Variants in ASAP1 observed in about 807,000 individuals in gnomAD.
ASAP1 encodes arf-GAP with SH3 domain, ANK repeat and PH domain-containing protein 1.
A neutral mutation model predicts 145.2 loss-of-function variants in ASAP1; 43 were observed. The ratio of observed to expected loss-of-function variants is 0.30; its 90% CI spans 0.23 to 0.38. ASAP1 has a LOEUF of 0.38. Among genes scored for constraint, ASAP1 ranks in the 10% least tolerant of loss-of-function variants. The pLI is 1.00. For synonymous variants in ASAP1, 546 were observed against 515.5 expected, an observed-to-expected ratio of 1.06 and a Z score of -0.80; for missense variants, 1,018 against 1,355.3, an observed-to-expected ratio of 0.75 and a Z score of 3.91.
At chr8:130,309,149 A>G (rs1033211805) in intron 3 of ASAP1, among the ~76,000 whole-genome samples, 2 of 152,180 alleles carry the variant, frequency 1.3e-5, no homozygotes, top group Non-Finnish European at 2.9e-5. Context: ...TATCCATTTG[A>G]TAATATCTGG....
At chr8:130,093,073 G>C (rs968969875) in intron 24 of ASAP1, among the ~76,000 whole-genome samples, 3 of 152,112 alleles carry the variant, frequency 2.0e-5, no homozygotes, top group Admixed American at 1.3e-4. Flanking sequence ...TTGGAAGCCT[G>C]AACAACATTT....
intron 24 of ASAP1, among the ~76,000 whole-genome samples, chr8:130,110,269 CA>C (rs1228523718): frequency 6.6e-6 from 1 of 152,170 alleles, no homozygotes; most frequent in African/African-American, 2.4e-5. Flanking sequence ...AAACCATTTT[CA>C]GGACTCTCAA....
intron 4 of ASAP1, among the ~76,000 whole-genome samples, chr8:130,215,316 G>C (rs534588547): frequency 6.6e-6 from 1 of 152,148 alleles, no homozygotes; most frequent in Non-Finnish European, 1.5e-5. Context: ...AACTATGATT[G>C]ACTGGGTATG....
chr8:130,257,092 G>A (rs932368640), intron 3 of ASAP1, among the ~76,000 whole-genome samples: 6 of 151,746 alleles, frequency 4.0e-5, no homozygotes, highest in Non-Finnish European at 8.8e-5. Context: ...AAATGTCCAC[G>A]CTGATAATAC....
intron 5 of ASAP1, among the ~76,000 whole-genome samples, chr8:130,191,800 T>C (rs1410975635): frequency 2.6e-5 from 4 of 152,168 alleles, no homozygotes; most frequent in Middle Eastern, 6.3e-3. Context: ...ATGTTTATAT[T>C]TTAAATGCTA....
At chr8:130,122,189 A>T (rs934257327) in intron 18 of ASAP1, among the ~76,000 whole-genome samples, 2 of 152,150 alleles carry the variant, frequency 1.3e-5, no homozygotes, top group Non-Finnish European at 1.5e-5. Context: ...TAATTTCTTC[A>T]TAACACCTAA....
intron 4 of ASAP1, among the ~76,000 whole-genome samples, chr8:130,232,678 A>C (rs924596913): frequency 6.6e-6 from 1 of 152,140 alleles, no homozygotes; most frequent in Admixed American, 6.5e-5. Flanking sequence ...GTACTGATAA[A>C]AGTTTATGTG....
chr8:130,347,004 G>A (rs1414303440), intron 3 of ASAP1, among the ~76,000 whole-genome samples: 1 of 152,196 alleles, frequency 6.6e-6, no homozygotes, highest in African/African-American at 2.4e-5. Flanking sequence ...GGGCAGTGAA[G>A]AAGCCGTTCA....
At chr8:130,061,352 G>A (rs1170395322) in intron 27 of ASAP1, among the ~76,000 whole-genome samples, 1 of 152,030 alleles carries the variant, frequency 6.6e-6, no homozygotes, top group South Asian at 2.1e-4. Context: ...GCAGAGAATC[G>A]GAAAGTACAG....
chr8:130,356,701 C>T (rs1231129676), intron 3 of ASAP1, among the ~76,000 whole-genome samples: 1 of 152,122 alleles, frequency 6.6e-6, no homozygotes, highest in East Asian at 1.9e-4. Context: ...AGTCATAGCA[C>T]CAAGCAGGCC....
At chr8:130,120,011 G>C (rs2135671391) in intron 18 of ASAP1, among the ~76,000 whole-genome samples, 1 of 152,292 alleles carries the variant, frequency 6.6e-6, no homozygotes, top group Non-Finnish European at 1.5e-5. Flanking sequence ...ACACTGTGCT[G>C]GTACCTTTTT....
chr8:130,394,628 C>G (rs934092728), intron 2 of ASAP1, among the ~76,000 whole-genome samples: 1 of 152,150 alleles, frequency 6.6e-6, no homozygotes, highest in Non-Finnish European at 1.5e-5. Flanking sequence ...TTGAAAATCC[C>G]TAATAAAAAC....
intron 3 of ASAP1, among the ~76,000 whole-genome samples, chr8:130,319,279 G>A (rs2137637901): frequency 6.6e-6 from 1 of 152,294 alleles, no homozygotes; most frequent in African/African-American, 2.4e-5. Context: ...CTAATTTTAA[G>A]AGAGCCATTT....
At chr8:130,344,028 C>A (rs1825551611) in intron 3 of ASAP1, among the ~76,000 whole-genome samples, 1 of 152,078 alleles carries the variant, frequency 6.6e-6, no homozygotes, top group Non-Finnish European at 1.5e-5. Flanking sequence ...TCTTCTTATT[C>A]TTTAGTAAGA....
chr8:130,100,195 A>G (rs953364493), intron 24 of ASAP1, among the ~76,000 whole-genome samples: 1 of 152,056 alleles, frequency 6.6e-6, no homozygotes, highest in African/African-American at 2.4e-5. Context: ...TGTCTTTTTG[A>G]TGATAGCCAT....
chr8:130,123,581 C>G (rs1050023228), intron 18 of ASAP1, among the ~76,000 whole-genome samples: 2 of 148,126 alleles, frequency 1.4e-5, no homozygotes, highest in African/African-American at 4.9e-5. Context: ...ATGGGGTTTG[C>G]TCTGGAAAAC....
chr8:130,103,557 G>A (rs1382717638), intron 24 of ASAP1, among the ~76,000 whole-genome samples: 3 of 152,082 alleles, frequency 2.0e-5, no homozygotes, highest in Non-Finnish European at 1.5e-5. Flanking sequence ...AGGCTGGAGT[G>A]CAGTGACGCG....
intron 3 of ASAP1, among the ~76,000 whole-genome samples, chr8:130,242,857 G>C (rs1030931332): frequency 3.3e-5 from 5 of 152,092 alleles, no homozygotes; most frequent in African/African-American, 1.2e-4. Flanking sequence ...GGCAAACCAC[G>C]CAAATGTGTG....
At chr8:130,134,549 A>G (rs1321849489) in intron 14 of ASAP1, among the ~76,000 whole-genome samples, 1 of 151,450 alleles carries the variant, frequency 6.6e-6, no homozygotes, top group Non-Finnish European at 1.5e-5. Context: ...ATTTTTACAG[A>G]AAAAAAAACT....
Sources: allele counts gnomAD v4.1 joint callset (sites outside exome capture counted in the v4.1 genomes callset), GRCh38; gene constraint gnomAD v4.1.1; transcripts MANE v1.5; gene names NCBI Gene and HGNC (gene_info 2026-07-23, HGNC 2026-07-21).